The following ZNF567 variants were observed in gnomAD, a reference collection of about 807,000 sequenced individuals.
ZNF567 encodes zinc finger protein 567.
In ZNF567, 36 loss-of-function variants were observed where a neutral mutation model predicts 53.9. That is an observed-to-expected ratio of 0.67 (90% CI 0.51 to 0.88). ZNF567 has a LOEUF of 0.88. Ranked by LOEUF, ZNF567 falls within the 40% of genes least tolerant of loss-of-function variation. The pLI is 0.00. For synonymous variants in ZNF567, 224 were observed against 260.4 expected (o/e 0.86, Z 1.35); for missense variants, 619 against 764.7 (o/e 0.81, Z 2.25).
the ZNF567 span, among the ~76,000 whole-genome samples, chr19:36,672,098 A>G: frequency 1.3e-5 from 2 of 152,230 alleles, no homozygotes; most frequent in African/African-American, 4.8e-5. Context: ...CCACCTGGAC[A>G]GCGCTACAGT....
At chr19:36,715,971 A>G (rs2040048323) in intron 5 of ZNF567, among the ~76,000 whole-genome samples, 1 of 152,136 alleles carries the variant, frequency 6.6e-6, no homozygotes, top group Non-Finnish European at 1.5e-5. Context: ...CTGATTTCTC[A>G]CTGATGTCAT....
chr19:36,690,920 G>T (rs1186546865), intron 2 of ZNF567, among the ~76,000 whole-genome samples: 1 of 152,170 alleles, frequency 6.6e-6, no homozygotes, highest in East Asian at 1.9e-4. Context: ...TCAATTTCAG[G>T]TATAATAGGA....
chr19:36,719,319 C>T lies in ZNF567; in HGVS notation c.595C>T (p.Gln199Ter). ...TTTCAGTCATAATGAAGTTCTTATG[C>T]AGTATCAGAAAACGGAAACTCCAGC... is the stretch of plus-strand genomic sequence containing the variant. ...RAFSHNEVLM[Q>*]YQKTETPAQS... The change falls in exon 6 of 6, where the codon CAG becomes TAG. Residue 199 changes from glutamine (Q) to a stop codon, truncating the protein, a stop_gained. Transcript: ENST00000682579. LOFTEE classifies it high-confidence loss of function. The T allele has an allele frequency of 6.2e-7, 1 of 1,612,802 alleles. No homozygotes were observed. Among genetic ancestry groups the T allele is most frequent in the Non-Finnish European group, 8.5e-7 (1 of 1,179,736 alleles).
At chr19:36,707,577 TTTG>T (rs562640536) in intron 3 of ZNF567, among the ~76,000 whole-genome samples, 7 of 152,076 alleles carry the variant, frequency 4.6e-5, no homozygotes, top group Non-Finnish European at 8.8e-5. Context: ...ATAATCCTGT[TTTG>T]TTGTTGTTGT....
At chr19:36,703,140 A>G in intron 3 of ZNF567, among the ~76,000 whole-genome samples, 1 of 152,104 alleles carries the variant, frequency 6.6e-6, no homozygotes, top group East Asian at 1.9e-4. Flanking sequence ...TTTTCCTTCT[A>G]ACAGACAGGA....
rs148432932 is a variant in ZNF567 at position 36,720,353 on chromosome 19, C to T, written c.1629C>T (p.Arg543=). 454 of 1,613,908 alleles carry T rather than the reference C, an allele frequency of 2.8e-4. 3 individuals are homozygous for T. The African/African-American group carries it at 5.5e-3, about 19-fold the overall frequency. The change falls in exon 6 of 6, where the codon CGC becomes CGT. Residue 543 remains arginine, a synonymous_variant. Coordinates refer to ENST00000682579, the MANE Select transcript of ZNF567 (RefSeq NM_001322917.1). ...YVCNECGKSF[R]QKATLTVHQK... is the part of the protein sequence containing the mutation. ...GTAATGAATGTGGGAAGTCCTTTCG[C>T]CAGAAAGCAACCCTCACTGTACATC... is the stretch of plus-strand genomic sequence containing the variant.
intron 3 of ZNF567, among the ~76,000 whole-genome samples, chr19:36,696,542 C>T (rs1005187164): frequency 1.3e-5 from 2 of 152,054 alleles, no homozygotes; most frequent in African/African-American, 4.8e-5. Flanking sequence ...TGGTTAGGGC[C>T]CCAACCCCTA....
intron 3 of ZNF567, among the ~76,000 whole-genome samples, chr19:36,700,830 T>G (rs1420815948): frequency 6.6e-6 from 1 of 152,218 alleles, no homozygotes; most frequent in Non-Finnish European, 1.5e-5. Context: ...TTTATTAGTC[T>G]TGCTAGCGGT....
chr19:36,688,764 G>A (rs1288116698), intron 1 of ZNF567, among the ~76,000 whole-genome samples: 2 of 145,894 alleles, frequency 1.4e-5, no homozygotes, highest in African/African-American at 5.1e-5. Context: ...CCGAGATCGT[G>A]CCACTGCAAT....
At chr19:36,687,541 A>C (rs529810740), upstream of ZNF567, 1 of 152,412 alleles carries the variant, frequency 6.6e-6, no homozygotes, top group African/African-American at 2.4e-5. Context: ...AGGCGCGCGT[A>C]GCCGGTGGAC....
At chr19:36,703,338 G>C (rs921276376) in intron 3 of ZNF567, among the ~76,000 whole-genome samples, 17 of 138,410 alleles carry the variant, frequency 1.2e-4, no homozygotes, top group Admixed American at 8.0e-4. Context: ...TGCCCCTACT[G>C]GGGGGGGTGC....
At chr19:36,710,309 A>G (rs1316191991) in intron 3 of ZNF567, among the ~76,000 whole-genome samples, 1 of 126,922 alleles carries the variant, frequency 7.9e-6, no homozygotes, top group South Asian at 2.4e-4. Flanking sequence ...TTTTGGCAAA[A>G]TCTGACATCA....
intron 2 of ZNF567, among the ~76,000 whole-genome samples, chr19:36,692,842 G>A (rs2038689499): frequency 6.6e-6 from 1 of 152,146 alleles, no homozygotes; most frequent in African/African-American, 2.4e-5. Context: ...AGAGCCTGCT[G>A]CAAGACTGAG....
chr19:36,723,187 A>G (rs564192065), downstream of ZNF567: 388 of 702,868 alleles, frequency 5.5e-4, 6 homozygotes, highest in East Asian at 0.01. Flanking sequence ...TTGTTTTTCT[A>G]GGTGGAGAGG....
At chr19:36,679,083 G>A in the ZNF567 span, among the ~76,000 whole-genome samples, 3 of 152,078 alleles carry the variant, frequency 2.0e-5, no homozygotes, top group Non-Finnish European at 2.9e-5. Flanking sequence ...TCAGGAGATC[G>A]AGACCATCCT....
the ZNF567 span, among the ~76,000 whole-genome samples, chr19:36,680,480 G>A: frequency 6.6e-6 from 1 of 152,192 alleles, no homozygotes; most frequent in Non-Finnish European, 1.5e-5. Context: ...AGGGAAATGT[G>A]TAGGTAGTTT....
intron 4 of ZNF567, 71 bp from the exon 5 acceptor site, chr19:36,712,710 A>G: frequency 6.7e-7 from 1 of 1,489,450 alleles, no homozygotes; most frequent in Non-Finnish European, 9.3e-7. Flanking sequence ...TGCAGTACTG[A>G]ACATGCCCCT....
chr19:36,680,215 G>A, the ZNF567 span, among the ~76,000 whole-genome samples: 52,369 of 151,948 alleles, frequency 0.34, 9,546 homozygotes, highest in African/African-American at 0.48. Flanking sequence ...AAAGAAATCT[G>A]AAATAACAGT....
rs1224844163 is a variant in ZNF567, at chr19:36,720,113, C to G, written c.1389C>G (p.Thr463=). ...GAAAGTCCTTCCGCCAGAAGACAAC[C>G]CTTGTAGCACATCAGAGAACACATA... The part of the protein sequence containing the change: ...ECGKSFRQKT[T]LVAHQRTHTG... Residue 463 remains threonine (T), a synonymous_variant, in exon 6 of 6, where the codon ACC becomes ACG. Coordinates refer to ENST00000682579, the MANE Select transcript of ZNF567 (RefSeq NM_001322917.1). 2 of 1,611,552 alleles carry G rather than the reference C, an allele frequency of 1.2e-6. No individual in the cohort carries two copies. The highest frequency in any genetic ancestry group is 2.2e-5 in the East Asian group (1 of 44,620).
Sources: gnomAD v4.1 joint callset for allele counts (sites outside exome capture counted in the v4.1 genomes callset) on GRCh38, gnomAD v4.1.1 for gene constraint, MANE v1.5 for transcripts, NCBI Gene and HGNC (gene_info 2026-07-23, HGNC 2026-07-21) for gene names.